The following CSMD1 variants were observed in gnomAD, a reference collection of about 807,000 sequenced individuals.
CSMD1 encodes CUB and sushi domain-containing protein 1.
In CSMD1, 213 loss-of-function variants were observed where a neutral mutation model predicts 417.5. The observed-to-expected ratio is 0.51, with a 90% CI of 0.46 to 0.57. CSMD1 has a LOEUF of 0.57. CSMD1 is among the 20% of genes least tolerant of loss of function. The pLI is 0.00. For missense variants in CSMD1, 6,923 were observed against 4,529.7 expected (o/e 1.53, Z -15.17); for synonymous variants, 2,862 against 1,736.8 (o/e 1.65, Z -16.11).
At chr8:4,202,841 T>G (rs1434075638) in intron 3 of CSMD1, among the ~76,000 whole-genome samples, 3 of 152,170 alleles carry the variant, frequency 2.0e-5, no homozygotes, top group African/African-American at 7.2e-5. Context: ...AAGCTGAAAC[T>G]TGAAACATCA....
chr8:3,371,100 G>T (rs977697912), intron 18 of CSMD1, among the ~76,000 whole-genome samples: 6 of 152,138 alleles, frequency 3.9e-5, no homozygotes, highest in Non-Finnish European at 2.9e-5. Context: ...TACATCTTCA[G>T]CTCCCCTGGT....
chr8:3,618,878 A>C (rs1276180060), intron 7 of CSMD1, among the ~76,000 whole-genome samples: 1 of 152,194 alleles, frequency 6.6e-6, no homozygotes, highest in Non-Finnish European at 1.5e-5. Flanking sequence ...TCTAGGTATG[A>C]AGAAGCAGAG....
At chr8:3,666,835 C>G (rs113447866) in intron 7 of CSMD1, among the ~76,000 whole-genome samples, 1,884 of 152,296 alleles carry the variant, frequency 0.012, 44 homozygotes, top group African/African-American at 0.043. Flanking sequence ...TCCATTAAAT[C>G]TCTTTTTCTT....
intron 43 of CSMD1, among the ~76,000 whole-genome samples, chr8:3,109,635 C>T (rs974724331): frequency 2.0e-5 from 3 of 152,120 alleles, no homozygotes; most frequent in Non-Finnish European, 4.4e-5. Flanking sequence ...AAGAACAAAG[C>T]CCAAGGCCTT....
intron 37 of CSMD1, among the ~76,000 whole-genome samples, chr8:3,171,734 G>C (rs1352302302): frequency 6.6e-6 from 1 of 152,176 alleles, no homozygotes; most frequent in Non-Finnish European, 1.5e-5. Flanking sequence ...TAATTTTCAA[G>C]TGAGCACAAC....
chr8:4,239,502 G>A (rs1802264607), intron 3 of CSMD1, among the ~76,000 whole-genome samples: 1 of 152,298 alleles, frequency 6.6e-6, no homozygotes, highest in Middle Eastern at 3.4e-3. Context: ...CCCCACCCCA[G>A]TCTGGTCCTC....
At chr8:3,299,967 C>A (rs1340883658) in intron 25 of CSMD1, among the ~76,000 whole-genome samples, 2 of 152,134 alleles carry the variant, frequency 1.3e-5, no homozygotes, top group African/African-American at 4.8e-5. Flanking sequence ...ATAGCAAATG[C>A]AGCTCTAGAA....
intron 5 of CSMD1, among the ~76,000 whole-genome samples, chr8:3,926,749 C>T (rs1215000384): frequency 1.5e-5 from 2 of 135,438 alleles, no homozygotes; most frequent in East Asian, 4.2e-4. Context: ...TGGAGTCCCG[C>T]TCTGTAGCCA....
intron 15 of CSMD1, among the ~76,000 whole-genome samples, chr8:3,401,725 C>A (rs1812050349): frequency 6.6e-6 from 1 of 151,628 alleles, no homozygotes; most frequent in East Asian, 2.0e-4. Flanking sequence ...GGAAAGCAAT[C>A]AAAGACGCTG....
intron 2 of CSMD1, among the ~76,000 whole-genome samples, chr8:4,543,894 C>A (rs76292275): frequency 0.057 from 8,644 of 152,086 alleles, 320 homozygotes; most frequent in East Asian, 0.11. Flanking sequence ...AGATGTGGAG[C>A]GCCTTTTCAT....
intron 3 of CSMD1, among the ~76,000 whole-genome samples, chr8:4,246,491 T>G (rs1440255022): frequency 1.3e-5 from 2 of 152,158 alleles, no homozygotes; most frequent in Non-Finnish European, 2.9e-5. Context: ...GAGATAAGAG[T>G]TTTTAAAGAA....
intron 5 of CSMD1, among the ~76,000 whole-genome samples, chr8:3,843,331 G>A (rs7817718): frequency 6.6e-6 from 1 of 152,038 alleles, no homozygotes; most frequent in African/African-American, 2.4e-5. Flanking sequence ...GAACGAAATC[G>A]TTTGAAGACT....
At chr8:3,422,447 A>C (rs184150204) in intron 12 of CSMD1, among the ~76,000 whole-genome samples, 168 of 152,296 alleles carry the variant, frequency 1.1e-3, no homozygotes, top group African/African-American at 4.0e-3. Flanking sequence ...AGAATCTTTC[A>C]AAAATATCAT....
At chr8:3,242,744 G>A (rs1310533707) in intron 26 of CSMD1, among the ~76,000 whole-genome samples, 1 of 151,806 alleles carries the variant, frequency 6.6e-6, no homozygotes. Flanking sequence ...AGAGAGAGTA[G>A]AGACATGGAG....
At chr8:3,770,685 C>A (rs1198250799) in intron 5 of CSMD1, among the ~76,000 whole-genome samples, 1 of 152,080 alleles carries the variant, frequency 6.6e-6, no homozygotes, top group Non-Finnish European at 1.5e-5. Flanking sequence ...GCCCCAACAC[C>A]TTGTGATCTA....
At chr8:3,983,218 C>T (rs563771279) in intron 5 of CSMD1, among the ~76,000 whole-genome samples, 1 of 151,294 alleles carries the variant, frequency 6.6e-6, no homozygotes, top group East Asian at 2.0e-4. Flanking sequence ...GCAAGCTCCA[C>T]CTCCCGGGTT....
At chr8:3,986,101 G>A (rs1257761354) in intron 5 of CSMD1, among the ~76,000 whole-genome samples, 1 of 151,848 alleles carries the variant, frequency 6.6e-6, no homozygotes, top group African/African-American at 2.4e-5. Context: ...TTCGTATCTG[G>A]GAGCTACAAG....
chr8:3,798,072 T>A (rs1007273497), intron 5 of CSMD1, among the ~76,000 whole-genome samples: 1 of 152,006 alleles, frequency 6.6e-6, no homozygotes, highest in Admixed American at 6.6e-5. Context: ...TCCATTGAAG[T>A]ATTGTGATGA....
intron 3 of CSMD1, among the ~76,000 whole-genome samples, chr8:4,044,296 A>C (rs895949180): frequency 3.3e-5 from 5 of 152,222 alleles, no homozygotes; most frequent in Non-Finnish European, 5.9e-5. Context: ...AAAACAGAGA[A>C]ATCATCTCTG....
Sources: allele counts gnomAD v4.1 joint callset (sites outside exome capture counted in the v4.1 genomes callset), GRCh38; gene constraint gnomAD v4.1.1; transcripts MANE v1.5; gene names NCBI Gene and HGNC (gene_info 2026-07-23, HGNC 2026-07-21).